ARHGEF3: variants seen among roughly 807,000 people sequenced by gnomAD.
The protein encoded by ARHGEF3 is 59.8 kDA protein.
Under a neutral mutation model 63.2 loss-of-function variants are expected in ARHGEF3, and 28 were observed. The observed-to-expected ratio is 0.44, with a 90% CI of 0.33 to 0.61. The LOEUF (loss-of-function observed/expected upper bound fraction) is 0.61, where lower values mean the gene tolerates loss of function less well. ARHGEF3 is among the 20% of genes least tolerant of loss of function. The pLI is 0.03. For missense variants in ARHGEF3, 533 were observed against 659.3 expected, an observed-to-expected ratio of 0.81 and a Z score of 2.10; for synonymous variants, 266 against 254.2, an observed-to-expected ratio of 1.05 and a Z score of -0.44.
chr3:57,041,781 C>T (rs964792950), intron 1 of ARHGEF3, among the ~76,000 whole-genome samples: 76 of 152,228 alleles, frequency 5.0e-4, no homozygotes, highest in African/African-American at 1.8e-3. Context: ...GAGCGGGATA[C>T]ATTTTTTCTT....
At chr3:56,775,058 C>G (rs1329723067) in intron 1 of ARHGEF3, 1 of 1,551,360 alleles carries the variant, frequency 6.4e-7, no homozygotes, top group Admixed American at 2.0e-5. Context: ...CATGAAGATA[C>G]CAAATTTTGA....
At chr3:57,026,809 C>G (rs904343073) in intron 2 of ARHGEF3, among the ~76,000 whole-genome samples, 1 of 152,210 alleles carries the variant, frequency 6.6e-6, no homozygotes, top group African/African-American at 2.4e-5. Context: ...CGATTGTGCA[C>G]TAGGTGCCAG....
intron 1 of ARHGEF3, among the ~76,000 whole-genome samples, chr3:57,067,363 G>C (rs1490077571): frequency 6.6e-6 from 1 of 151,656 alleles, no homozygotes. Context: ...GCTGAGGCGG[G>C]AGAATGGCGT....
intron 3 of ARHGEF3, among the ~76,000 whole-genome samples, chr3:56,957,249 C>A (rs1275486595): frequency 1.3e-5 from 2 of 152,156 alleles, no homozygotes; most frequent in African/African-American, 4.8e-5. Flanking sequence ...GTAACCTGAG[C>A]TAAAATAGTT....
chr3:57,038,023 A>T (rs1361568673), intron 1 of ARHGEF3, among the ~76,000 whole-genome samples: 1 of 152,236 alleles, frequency 6.6e-6, no homozygotes, highest in East Asian at 1.9e-4. Flanking sequence ...GTTGCATCAA[A>T]TTCTCACACC....
At chr3:56,877,520 C>CTG (rs754806088) in intron 4 of ARHGEF3, among the ~76,000 whole-genome samples, 2 of 151,944 alleles carry the variant, frequency 1.3e-5, no homozygotes, top group Non-Finnish European at 2.9e-5. Flanking sequence ...TACAGCCATG[C>CTG]ATCACCATAC....
chr3:56,973,917 C>T (rs1292481326), intron 2 of ARHGEF3, among the ~76,000 whole-genome samples: 1 of 152,140 alleles, frequency 6.6e-6, no homozygotes, highest in Non-Finnish European at 1.5e-5. Context: ...GAAAGCCTGT[C>T]TCTACAAAAA....
intron 4 of ARHGEF3, among the ~76,000 whole-genome samples, chr3:56,857,343 C>T (rs558830757): frequency 2.0e-5 from 3 of 152,266 alleles, no homozygotes; most frequent in East Asian, 3.9e-4. Flanking sequence ...CATGGCATTC[C>T]TCCTGGGACT....
At chr3:56,772,106 C>T (rs2036038458) in intron 2 of ARHGEF3, among the ~76,000 whole-genome samples, 1 of 152,108 alleles carries the variant, frequency 6.6e-6, no homozygotes, top group African/African-American at 2.4e-5. Flanking sequence ...CTCCATTCTC[C>T]CACAAAAGGG....
rs763887173 is a variant in ARHGEF3 at position 56,729,634 on chromosome 3, A to C, written c.1229-12T>G. On this transcript the variant is annotated splice_polypyrimidine_tract_variant and intron_variant, in intron 9 of 9. Transcript: ENST00000296315. ...GAAGAAGTTTTTAACTAGAAAGGAAAAACACATGAAAAACAAAGTCAATGG... is the reference window on the plus strand; with the variant it reads ...GAAGAAGTTTTTAACTAGAAAGGAACAACACATGAAAAACAAAGTCAATGG... 2.3e-5 allele frequency: 36 copies of C among 1,577,906 alleles called. No individual in the cohort carries two copies. Among genetic ancestry groups the C allele is most frequent in the Non-Finnish European group, 3.0e-5 (35 of 1,159,432 alleles).
Position 56,745,206 on chromosome 3 carries a change from G to C in ARHGEF3, c.869C>G (p.Ala290Gly), listed in dbSNP as rs1180164681. ...DNPDQQHLEE[A>G]INIIQGIVAE... ...AGAGAAGGAAACAGACAAACTTACAGCTTCTTCCAAGTGCTGCTGATCTGG... is the reference window on the plus strand; with the variant it reads ...AGAGAAGGAAACAGACAAACTTACACCTTCTTCCAAGTGCTGCTGATCTGG... The change falls in exon 7 of 10, where the codon GCT (alanine) becomes GGT (glycine). Residue 290 changes from alanine to glycine, a missense_variant and splice_region_variant. Ala to Gly is a moderately conservative substitution (Grantham distance 60, BLOSUM62 0). Transcript: ENST00000296315. 17 of 1,611,390 alleles carry C rather than the reference G, an allele frequency of 1.1e-5. No homozygotes were observed. The East Asian group carries it at 3.8e-4, about 36-fold the overall frequency.
intron 1 of ARHGEF3, among the ~76,000 whole-genome samples, chr3:56,780,123 A>G (rs889558369): frequency 2.6e-5 from 4 of 152,236 alleles, no homozygotes; most frequent in Non-Finnish European, 5.9e-5. Flanking sequence ...CATGTACTGG[A>G]CTATACACCT....
chr3:56,879,185 T>C (rs1274277184), intron 4 of ARHGEF3, among the ~76,000 whole-genome samples: 1 of 152,210 alleles, frequency 6.6e-6, no homozygotes, highest in East Asian at 1.9e-4. Flanking sequence ...ACAATAAATG[T>C]AAAGTGCTTG....
intron 3 of ARHGEF3, among the ~76,000 whole-genome samples, chr3:56,916,902 C>G (rs2042005566): frequency 6.6e-6 from 1 of 152,142 alleles, no homozygotes; most frequent in African/African-American, 2.4e-5. Context: ...AACTACACAC[C>G]CATCCGTTTC....
At chr3:56,808,123 CAAAA>C (rs201541052) in intron 4 of ARHGEF3, among the ~76,000 whole-genome samples, 2 of 114,746 alleles carry the variant, frequency 1.7e-5, no homozygotes, top group Admixed American at 9.1e-5. Flanking sequence ...GACTCTGTCT[CAAAA>C]AAAAAAAAAA....
intron 4 of ARHGEF3, among the ~76,000 whole-genome samples, chr3:56,823,191 CA>C (rs1328396977): frequency 6.6e-6 from 1 of 152,022 alleles, no homozygotes; most frequent in Non-Finnish European, 1.5e-5. Context: ...GCAGCAGATG[CA>C]GAGTAAAATG....
intron 1 of ARHGEF3, among the ~76,000 whole-genome samples, chr3:57,057,475 G>A (rs1181760486): frequency 6.6e-6 from 1 of 152,084 alleles, no homozygotes; most frequent in Non-Finnish European, 1.5e-5. Context: ...TTGCATTCAT[G>A]TGACTATTTG....
intron 3 of ARHGEF3, chr3:56,916,302 G>T (rs1335998969): frequency 6.5e-7 from 1 of 1,535,196 alleles, no homozygotes; most frequent in Non-Finnish European, 8.7e-7. Flanking sequence ...AGCAGCAGGG[G>T]GCTTACCTGC....
intron 4 of ARHGEF3, among the ~76,000 whole-genome samples, chr3:56,857,435 C>G (rs1245371383): frequency 6.6e-6 from 1 of 152,176 alleles, no homozygotes; most frequent in Admixed American, 6.5e-5. Flanking sequence ...AAAAGGGAAA[C>G]ATATCAACCC....
Sources: gnomAD v4.1 joint callset for allele counts (sites outside exome capture counted in the v4.1 genomes callset) on GRCh38, gnomAD v4.1.1 for gene constraint, MANE v1.5 for transcripts, NCBI Gene and HGNC (gene_info 2026-07-23, HGNC 2026-07-21) for gene names.